ZNF407: variants seen among roughly 807,000 people sequenced by gnomAD.
ZNF407 encodes the protein zinc finger protein 407.
Under a neutral mutation model 131.2 loss-of-function variants are expected in ZNF407, and 17 were observed. The ratio of observed to expected loss-of-function variants is 0.13; its 90% CI spans 0.09 to 0.19. The LOEUF (loss-of-function observed/expected upper bound fraction) is 0.19. ZNF407 is among the 10% of genes least tolerant of loss of function. ZNF407 has a pLI of 1.00. For missense variants in ZNF407, 2,681 were observed against 2,830.6 expected, an observed-to-expected ratio of 0.95 and a Z score of 1.20; for synonymous variants, 1,156 against 1,062.0, an observed-to-expected ratio of 1.09 and a Z score of -1.72.
At chr18:74,857,197 A>G (rs897590375) in intron 4 of ZNF407, among the ~76,000 whole-genome samples, 2 of 152,212 alleles carry the variant, frequency 1.3e-5, no homozygotes, top group East Asian at 1.9e-4. Flanking sequence ...AGCAATGACT[A>G]TTCACAGGCA....
At chr18:74,906,029 AT>A (rs1971590634) in intron 7 of ZNF407, 1 of 153,032 alleles carries the variant, frequency 6.5e-6, no homozygotes, top group African/African-American at 2.4e-5. Flanking sequence ...TTCTCCTGAC[AT>A]TTACCAGTTT....
chr18:74,636,084 T>G (rs1197922731), intron 2 of ZNF407, among the ~76,000 whole-genome samples: 2 of 152,208 alleles, frequency 1.3e-5, no homozygotes, highest in East Asian at 3.8e-4. Context: ...TAAGTGACTT[T>G]TAAGGAATGG....
chr18:74,904,181 G>C (rs1971565372), intron 7 of ZNF407, among the ~76,000 whole-genome samples: 1 of 152,158 alleles, frequency 6.6e-6, no homozygotes. Context: ...TTCTTCATCT[G>C]CTCCCATTGT....
intron 8 of ZNF407, among the ~76,000 whole-genome samples, chr18:74,996,052 A>G (rs752270750): frequency 5.3e-5 from 8 of 152,192 alleles, no homozygotes. Context: ...CTAGAAAACT[A>G]CTCAAGTTTG....
chr18:74,949,698 G>A lies in ZNF407; in HGVS notation c.5428+29006G>A, dbSNP rs192646481. On this transcript the variant is annotated intron_variant, in intron 8 of 8. Coordinates refer to ENST00000299687, the MANE Select transcript of ZNF407 (RefSeq NM_017757.3). ...AAGAACAAAGCCTGAATCCTTAAAG[G>A]TTATTTTTTACAGGAGATTGGGGGT... Among the ~76,000 whole-genome samples, 56 of 151,966 alleles carry A rather than the reference G, an allele frequency of 3.7e-4. No homozygotes were observed. In the East Asian group the frequency reaches 8.9e-3, roughly 24 times the overall value.
chr18:75,005,150 T>C (rs1283280160), intron 8 of ZNF407, among the ~76,000 whole-genome samples: 2 of 152,206 alleles, frequency 1.3e-5, no homozygotes, highest in Non-Finnish European at 2.9e-5. Flanking sequence ...AAGTGACTGC[T>C]TGATGGATGG....
intron 8 of ZNF407, among the ~76,000 whole-genome samples, chr18:75,046,377 T>C (rs141469469): frequency 1.6e-4 from 25 of 152,252 alleles, no homozygotes; most frequent in African/African-American, 6.0e-4. Context: ...AACCAATGGA[T>C]TTAATCCACA....
intron 1 of ZNF407, chr18:74,598,375 C>T (rs889924399): frequency 3.9e-5 from 6 of 152,392 alleles, no homozygotes; most frequent in African/African-American, 1.4e-4. Context: ...AAACAGTCCC[C>T]CGTTCCTTCG....
At chr18:74,640,914 G>A in intron 2 of ZNF407, 94 bp from the exon 3 acceptor site, 2 of 921,414 alleles carry the variant, frequency 2.2e-6, no homozygotes, top group Non-Finnish European at 3.5e-6. Context: ...TCTTAATTAG[G>A]TTAAAGGTAT....
chr18:74,743,378 T>C (rs916547109), intron 3 of ZNF407, among the ~76,000 whole-genome samples: 13 of 152,158 alleles, frequency 8.5e-5, no homozygotes, highest in African/African-American at 2.7e-4. Context: ...TGTGTGTGTG[T>C]GTATTTTCAT....
chr18:74,655,643 C>T (rs907765076), intron 3 of ZNF407, among the ~76,000 whole-genome samples: 6 of 151,988 alleles, frequency 3.9e-5, no homozygotes, highest in African/African-American at 1.4e-4. Flanking sequence ...AACATTTTCC[C>T]CTCTCCTCAG....
intron 3 of ZNF407, among the ~76,000 whole-genome samples, chr18:74,750,625 C>T (rs892812559): frequency 2.6e-5 from 4 of 152,168 alleles, no homozygotes. Flanking sequence ...ATTTCATGGT[C>T]ATCAGGATGA....
intron 7 of ZNF407, among the ~76,000 whole-genome samples, chr18:74,916,691 C>T (rs868290670): frequency 3.3e-5 from 2 of 60,372 alleles, no homozygotes; most frequent in Non-Finnish European, 6.4e-5. Context: ...ATGCAGCATT[C>T]GTTCGAATCG....
chr18:75,062,225 TACA>T (rs975960888), intron 8 of ZNF407: 2 of 152,146 alleles, frequency 1.3e-5, no homozygotes, highest in Non-Finnish European at 2.9e-5. Context: ...AAGACAGGGC[TACA>T]ATGTTGTTTC....
chr18:74,833,598 G>A (rs1411954489), intron 4 of ZNF407, among the ~76,000 whole-genome samples: 2 of 152,206 alleles, frequency 1.3e-5, no homozygotes, highest in Non-Finnish European at 2.9e-5. Flanking sequence ...CACACAGCGC[G>A]AGGGGGACAG....
At chr18:74,902,158 G>A (rs556498907) in intron 7 of ZNF407, among the ~76,000 whole-genome samples, 2 of 152,280 alleles carry the variant, frequency 1.3e-5, no homozygotes, top group East Asian at 1.9e-4. Context: ...TATCATGGAC[G>A]ATACAGCATG....
intron 8 of ZNF407, among the ~76,000 whole-genome samples, chr18:74,944,244 T>C (rs1290233440): frequency 1.3e-5 from 2 of 152,232 alleles, no homozygotes; most frequent in East Asian, 3.8e-4. Context: ...TTAAAAAGTC[T>C]GTTAATTTAC....
chr18:74,846,785 A>G (rs1453131782), intron 4 of ZNF407, among the ~76,000 whole-genome samples: 2 of 151,720 alleles, frequency 1.3e-5, no homozygotes, highest in South Asian at 2.1e-4. Flanking sequence ...CGAGGTCAGG[A>G]GTTCGAGACC....
At chr18:75,024,669 G>T (rs1166260337) in intron 8 of ZNF407, among the ~76,000 whole-genome samples, 2 of 152,204 alleles carry the variant, frequency 1.3e-5, no homozygotes, top group Admixed American at 6.5e-5. Flanking sequence ...GGCATGCACT[G>T]TGGCAGATGT....
Sources: gnomAD v4.1 joint callset for allele counts (sites outside exome capture counted in the v4.1 genomes callset) on GRCh38, gnomAD v4.1.1 for gene constraint, MANE v1.5 for transcripts, NCBI Gene and HGNC (gene_info 2026-07-23, HGNC 2026-07-21) for gene names.